The following KCNK18 variants were observed in gnomAD, a reference collection of about 807,000 sequenced individuals.
KCNK18 encodes potassium two pore domain channel subfamily K member 18.
A neutral mutation model predicts 11.8 loss-of-function variants in KCNK18; 8 were observed. That is an observed-to-expected ratio of 0.68 (90% confidence interval 0.40 to 1.22). The LOEUF is 1.22. Among genes scored for constraint, KCNK18 ranks in the 50% most tolerant of loss-of-function variants. The pLI, the probability that KCNK18 is intolerant of heterozygous loss-of-function variation, is 0.01. For synonymous variants in KCNK18, 208 were observed against 185.8 expected, an observed-to-expected ratio of 1.12 and a Z score of -0.97; for missense variants, 442 against 465.4, an observed-to-expected ratio of 0.95 and a Z score of 0.46.
At chr10:117,198,557 G>A (rs1854977055) in intron 1 of KCNK18, among the ~76,000 whole-genome samples, 1 of 152,186 alleles carries the variant, frequency 6.6e-6, no homozygotes, top group East Asian at 1.9e-4. Flanking sequence ...TTCCTCGAAG[G>A]AAGCTTGTTA....
At chr10:117,208,743 C>CTTTTTTT in intron 2 of KCNK18, among the ~76,000 whole-genome samples, 1 of 143,242 alleles carries the variant, frequency 7.0e-6, no homozygotes, top group Non-Finnish European at 1.5e-5. Context: ...ACAAGGGTAG[C>CTTTTTTT]TTTTTTTTTT....
In KCNK18 at chr10:117,209,941, T is replaced by C. The variant is rs1855125257; in HGVS notation, c.797T>C (p.Ile266Thr). The change falls in exon 3 of 3, where the codon ATC (isoleucine) becomes ACC (threonine). Residue 266 changes from isoleucine to threonine, a missense_variant. Coordinates refer to ENST00000334549, the MANE Select transcript of KCNK18 (RefSeq NM_181840.1). ...TTGGGAAGACTCTCATACTCCATCA[T>C]CAGCAACCTGGATGAAGTTGGACAG... ...LVLGRLSYSI[I>T]SNLDEVGQQV... The C allele has an allele frequency of 6.2e-7, 1 of 1,614,100 alleles. No individual in the cohort carries two copies. Among genetic ancestry groups the C allele is most frequent in the African/African-American group, 1.3e-5 (1 of 74,930 alleles).
chr10:117,198,533 T>G (rs1461305537), intron 1 of KCNK18, among the ~76,000 whole-genome samples: 3 of 152,222 alleles, frequency 2.0e-5, no homozygotes, highest in Admixed American at 6.5e-5. Flanking sequence ...GTCACTTGTT[T>G]CTACTCTGCT....
At chr10:117,202,142 C>A (rs1855020622) in intron 2 of KCNK18, among the ~76,000 whole-genome samples, 2 of 152,240 alleles carry the variant, frequency 1.3e-5, no homozygotes, top group Admixed American at 1.3e-4. Context: ...CTAGGAGGAC[C>A]TGGCCCACAG....
chr10:117,199,510 C>T (rs1271507131), intron 1 of KCNK18, among the ~76,000 whole-genome samples: 2 of 152,166 alleles, frequency 1.3e-5, no homozygotes, highest in African/African-American at 4.8e-5. Context: ...CACAAGAAGC[C>T]TCACAAGAAA....
chr10:117,201,261 T>A lies in KCNK18; in HGVS notation c.326T>A (p.Phe109Tyr), dbSNP rs954806797. ...TGGTCCTTCCTGAGCTCGCTCTTTT[T>A]CTGCTGCACGGTGTTCAGCACCGTG... Reference protein sequence around the residue: ...THWSFLSSLFFCCTVFSTVGY... With the variant: ...THWSFLSSLFYCCTVFSTVGY... The change falls in exon 2 of 3, where the codon TTC (phenylalanine) becomes TAC (tyrosine). Residue 109 changes from phenylalanine (F) to tyrosine (Y), a missense_variant. By Grantham distance (22) the Phe-to-Tyr change is conservative (BLOSUM62 3). Transcript: ENST00000334549. The A allele has an allele frequency of 6.2e-7, 1 of 1,613,856 alleles. No homozygotes were observed. Among genetic ancestry groups the A allele is most frequent in the African/African-American group, 1.3e-5 (1 of 74,926 alleles).
chr10:117,209,253 C>G (rs1855111783), intron 2 of KCNK18, among the ~76,000 whole-genome samples: 1 of 152,192 alleles, frequency 6.6e-6, no homozygotes, highest in South Asian at 2.1e-4. Flanking sequence ...AAGGACATTT[C>G]AAATCAAAGA....
chr10:117,200,239 G>A (rs948185205), intron 1 of KCNK18, among the ~76,000 whole-genome samples: 12 of 151,880 alleles, frequency 7.9e-5, no homozygotes, highest in Non-Finnish European at 4.4e-5. Flanking sequence ...CACCACACCC[G>A]GCTAATTTTT....
In KCNK18 at chr10:117,201,304, A is replaced by G. The variant is rs1169593372; in HGVS notation, c.352+17A>G. On this transcript the variant is annotated intron_variant, in intron 2 of 2. Transcript: ENST00000334549. ...GCACCGTGGGTAAGTGCAAAGCCAC[A>G]GTCCCCCTCACGGTGGCCCTGTGAA... The G allele has an allele frequency of 6.2e-7, 1 of 1,611,568 alleles. No homozygotes were observed. The highest frequency in any genetic ancestry group is 8.5e-7 in the Non-Finnish European group (1 of 1,179,896).
At chr10:117,207,973 G>A (rs1232014882) in intron 2 of KCNK18, among the ~76,000 whole-genome samples, 7 of 152,204 alleles carry the variant, frequency 4.6e-5, no homozygotes, top group Middle Eastern at 3.2e-3. Context: ...AGCCACCTGC[G>A]CTGTGGGGTT....
At chr10:117,206,168 A>G (rs540792514) in intron 2 of KCNK18, among the ~76,000 whole-genome samples, 5 of 152,312 alleles carry the variant, frequency 3.3e-5, no homozygotes, top group African/African-American at 7.2e-5. Flanking sequence ...TCTGGAGGCC[A>G]GAAATTCGAA....
At chr10:117,206,227 C>CCT (rs1306183998) in intron 2 of KCNK18, among the ~76,000 whole-genome samples, 1 of 152,090 alleles carries the variant, frequency 6.6e-6, no homozygotes, top group African/African-American at 2.4e-5. Flanking sequence ...AGCCATACTC[C>CCT]CTCTAAGGCT....
At chr10:117,204,649 C>T (rs1042361919) in intron 2 of KCNK18, among the ~76,000 whole-genome samples, 1 of 152,170 alleles carries the variant, frequency 6.6e-6, no homozygotes, top group African/African-American at 2.4e-5. Context: ...CCTACTGAGC[C>T]AGAAACCATG....
chr10:117,206,063 A>G (rs1267722890), intron 2 of KCNK18, among the ~76,000 whole-genome samples: 3 of 152,298 alleles, frequency 2.0e-5, no homozygotes, highest in African/African-American at 7.2e-5. Context: ...TAAAAAAAAA[A>G]GATACAAACC....
At chr10:117,201,964 G>A (rs1220848765) in intron 2 of KCNK18, among the ~76,000 whole-genome samples, 1 of 152,226 alleles carries the variant, frequency 6.6e-6, no homozygotes, top group Non-Finnish European at 1.5e-5. Context: ...GCCAAACCAG[G>A]CCAGGCAGGA....
chr10:117,198,636 T>C (rs1444355627), intron 1 of KCNK18, among the ~76,000 whole-genome samples: 1 of 152,154 alleles, frequency 6.6e-6, no homozygotes, highest in Non-Finnish European at 1.5e-5. Flanking sequence ...AACCAGACAC[T>C]AAAAGTCAGG....
At chr10:117,207,155 A>C (rs1031828084) in intron 2 of KCNK18, among the ~76,000 whole-genome samples, 1 of 152,060 alleles carries the variant, frequency 6.6e-6, no homozygotes, top group Non-Finnish European at 1.5e-5. Context: ...CAGCCTCCCA[A>C]GTAGCTGGGA....
intron 1 of KCNK18, 129 bp downstream of exon 1, chr10:117,197,840 C>T: frequency 1.3e-6 from 1 of 760,638 alleles, no homozygotes; most frequent in South Asian, 1.5e-5. Context: ...TGCCTGGGCA[C>T]TTTAAGCGAG....
At chr10:117,203,327 A>G (rs575757691) in intron 2 of KCNK18, among the ~76,000 whole-genome samples, 1 of 152,234 alleles carries the variant, frequency 6.6e-6, no homozygotes, top group South Asian at 2.1e-4. Context: ...CTGCAAGGTA[A>G]GTGCTGTGAC....
Sources: allele counts gnomAD v4.1 joint callset (sites outside exome capture counted in the v4.1 genomes callset), GRCh38; gene constraint gnomAD v4.1.1; transcripts MANE v1.5; gene names NCBI Gene and HGNC (gene_info 2026-07-23, HGNC 2026-07-21).